The following PDE10A variants were observed in gnomAD, a reference collection of about 807,000 sequenced individuals.
PDE10A encodes the protein phosphodiesterase 10A.
In PDE10A, 39 loss-of-function variants were observed where a neutral mutation model predicts 97.7. That is an observed-to-expected ratio of 0.40 (90% CI 0.31 to 0.52). The LOEUF (loss-of-function observed/expected upper bound fraction) is 0.52. Among genes scored for constraint, PDE10A ranks in the 20% least tolerant of loss-of-function variants. The pLI, the probability that PDE10A is intolerant of heterozygous loss-of-function variation, is 0.56. For synonymous variants in PDE10A, 371 were observed against 376.8 expected, an observed-to-expected ratio of 0.98 and a Z score of 0.18; for missense variants, 731 against 1,047.8, an observed-to-expected ratio of 0.70 and a Z score of 4.17.
chr6:165,851,588 C>T (rs1236804433), intron 1 of PDE10A, among the ~76,000 whole-genome samples: 1 of 152,118 alleles, frequency 6.6e-6, no homozygotes, highest in African/African-American at 2.4e-5. Flanking sequence ...TATTGTAGGT[C>T]CTCTGAATAG....
In PDE10A at chr6:165,327,624, T is replaced by G. The variant is rs1190679497; in HGVS notation, c.*5401A>C. ...TGAATACATGAAAAAATTACACACA[T>G]GTACAATATTTATAATTTATAAATG... On this transcript the variant is annotated 3_prime_UTR_variant, in exon 22 of 22. Coordinates refer to ENST00000539869, the MANE Select transcript of PDE10A (RefSeq NM_001385079.1). 1 of 152,228 alleles carries G rather than the reference T, an allele frequency of 6.6e-6. No individual in the cohort carries two copies. Among genetic ancestry groups the G allele is most frequent in the African/African-American group, 2.4e-5 (1 of 41,466 alleles). 9.4% of individuals were successfully genotyped at this position (152,228 alleles called of 1,614,324 possible). A position where few individuals can be genotyped will look rare whatever the true frequency, so the allele number is the denominator to read the frequency against.
intron 1 of PDE10A, among the ~76,000 whole-genome samples, chr6:165,680,194 GA>G (rs1157597340): frequency 6.6e-6 from 1 of 151,092 alleles, no homozygotes. Context: ...GGGAGGTTGT[GA>G]AAAAAAAATC....
chr6:165,500,515 T>C (rs1030275358), intron 2 of PDE10A, among the ~76,000 whole-genome samples: 6 of 152,154 alleles, frequency 3.9e-5, no homozygotes, highest in African/African-American at 1.4e-4. Flanking sequence ...GGCAGTATGC[T>C]TGTTAAAAGT....
rs375556855 is a variant in PDE10A at position 165,329,078 on chromosome 6, T to C, written c.*3947A>G. On this transcript the variant is annotated 3_prime_UTR_variant, in exon 22 of 22. Coordinates refer to ENST00000539869, the MANE Select transcript of PDE10A (RefSeq NM_001385079.1). ...ATAGTGACTAAATGAATATAGTCTT[T>C]AAAGAATTAAATCCTAAATAAAATC... 6.6e-6 allele frequency: 1 copy of C among 152,240 alleles called. No individual in the cohort carries two copies. The highest frequency in any genetic ancestry group is 2.4e-5 in the African/African-American group (1 of 41,466). The allele number at this position is 152,240 out of a possible 1,614,324, so 9.4% of individuals were successfully genotyped here.
chr6:165,625,643 T>C (rs748393500), intron 1 of PDE10A, among the ~76,000 whole-genome samples: 1 of 152,134 alleles, frequency 6.6e-6, no homozygotes, highest in Admixed American at 6.5e-5. Flanking sequence ...TTTCCTATGC[T>C]GTTCTCATGA....
intron 2 of PDE10A, among the ~76,000 whole-genome samples, chr6:165,484,018 G>A (rs917679950): frequency 9.9e-5 from 15 of 152,172 alleles, no homozygotes; most frequent in Non-Finnish European, 2.9e-5. Context: ...TTCCCCTTAG[G>A]AGCTGATTTA....
intron 1 of PDE10A, among the ~76,000 whole-genome samples, chr6:165,568,016 T>TTTTTG (rs1784864851): frequency 6.8e-6 from 1 of 147,558 alleles, no homozygotes; most frequent in African/African-American, 2.5e-5. Flanking sequence ...TTTTTTTTTT[T>TTTTTG]GAGACGGAGT....
intron 2 of PDE10A, among the ~76,000 whole-genome samples, chr6:165,512,866 CTTATT>C (rs1190243937): frequency 2.0e-5 from 3 of 151,958 alleles, no homozygotes; most frequent in African/African-American, 7.2e-5. Flanking sequence ...TTTTCTTATA[CTTATT>C]TTAATGAGTA....
chr6:165,364,059 C>G (rs925003100), intron 18 of PDE10A, among the ~76,000 whole-genome samples: 2 of 152,092 alleles, frequency 1.3e-5, no homozygotes, highest in African/African-American at 4.8e-5. Context: ...AAAACAATAT[C>G]GGGAAAGAAG....
chr6:165,441,226 T>G (rs1040742833), intron 5 of PDE10A, among the ~76,000 whole-genome samples: 23 of 152,226 alleles, frequency 1.5e-4, no homozygotes, highest in Non-Finnish European at 3.1e-4. Flanking sequence ...TGTTTTTATG[T>G]GCTGCAGCCC....
intron 1 of PDE10A, among the ~76,000 whole-genome samples, chr6:165,609,386 AC>A (rs905337199): frequency 1.3e-5 from 2 of 152,178 alleles, no homozygotes; most frequent in African/African-American, 4.8e-5. Context: ...TTTATGACAA[AC>A]CACAGCCAAT....
intron 2 of PDE10A, among the ~76,000 whole-genome samples, chr6:165,504,875 C>T (rs776789774): frequency 6.6e-5 from 10 of 152,214 alleles, no homozygotes; most frequent in Non-Finnish European, 8.8e-5. Flanking sequence ...TTCAGATTTC[C>T]GAGCATCTTA....
intron 1 of PDE10A, among the ~76,000 whole-genome samples, chr6:165,691,414 C>T (rs1263441320): frequency 6.6e-6 from 1 of 152,114 alleles, no homozygotes; most frequent in Non-Finnish European, 1.5e-5. Flanking sequence ...CTAAGAGCAA[C>T]AGGCCATACC....
intron 1 of PDE10A, among the ~76,000 whole-genome samples, chr6:165,904,094 C>T (rs914595372): frequency 9.9e-5 from 15 of 151,844 alleles, no homozygotes; most frequent in South Asian, 8.3e-4. Flanking sequence ...AATTATAGGA[C>T]GTAGGAGGGT....
intron 18 of PDE10A, among the ~76,000 whole-genome samples, chr6:165,358,386 T>C (rs1336861589): frequency 6.6e-6 from 1 of 152,166 alleles, no homozygotes; most frequent in Admixed American, 6.5e-5. Context: ...ATTAGGTGCA[T>C]GTACATTCTG....
At chr6:165,402,680 A>G (rs147935473) in intron 13 of PDE10A, among the ~76,000 whole-genome samples, 76 of 152,306 alleles carry the variant, frequency 5.0e-4, no homozygotes, top group African/African-American at 1.7e-3. Context: ...TTGAAAAGGT[A>G]TATGTGCTCA....
chr6:165,987,615 G>GAA, exon 1 of PDE10A: 1 of 410,794 alleles, frequency 2.4e-6, no homozygotes, highest in Non-Finnish European at 4.8e-6. Context: ...GAAAGAAAAA[G>GAA]AAAAAAAAAG....
chr6:165,496,611 T>C (rs903465189), intron 2 of PDE10A, among the ~76,000 whole-genome samples: 1 of 152,234 alleles, frequency 6.6e-6, no homozygotes, highest in Non-Finnish European at 1.5e-5. Context: ...TGGACACACG[T>C]GAAGGACTTA....
intron 5 of PDE10A, among the ~76,000 whole-genome samples, chr6:165,438,105 G>A (rs1345093198): frequency 6.6e-6 from 1 of 152,148 alleles, no homozygotes. Context: ...GATGTCATGG[G>A]CTGAATCATT....
Sources: gnomAD v4.1 joint callset for allele counts (sites outside exome capture counted in the v4.1 genomes callset) on GRCh38, gnomAD v4.1.1 for gene constraint, MANE v1.5 for transcripts, NCBI Gene and HGNC (gene_info 2026-07-23, HGNC 2026-07-21) for gene names.